ERC2: variants seen among roughly 807,000 people sequenced by gnomAD.
ERC2 encodes the protein ELKS/RAB6-interacting/CAST family member 2.
A neutral mutation model predicts 114.8 loss-of-function variants in ERC2; 42 were observed. That is an observed-to-expected ratio of 0.37 (90% confidence interval 0.29 to 0.47). The LOEUF (loss-of-function observed/expected upper bound fraction) is 0.47. ERC2 is among the 20% of genes least tolerant of loss of function. The pLI is 0.99. For missense variants in ERC2, 939 were observed against 1,150.7 expected, an observed-to-expected ratio of 0.82 and a Z score of 2.66; for synonymous variants, 454 against 425.5, an observed-to-expected ratio of 1.07 and a Z score of -0.82.
At chr3:56,122,855 C>A (rs966475325) in intron 6 of ERC2, among the ~76,000 whole-genome samples, 2 of 152,166 alleles carry the variant, frequency 1.3e-5, no homozygotes, top group Non-Finnish European at 1.5e-5. Context: ...ATGACTGTTG[C>A]TTGCTCCTGG....
At chr3:55,728,985 T>A (rs557107892) in intron 15 of ERC2, among the ~76,000 whole-genome samples, 30 of 152,256 alleles carry the variant, frequency 2.0e-4, no homozygotes, top group Non-Finnish European at 3.8e-4. Context: ...ACCTTGAGAC[T>A]CCATGGAGGC....
chr3:56,271,483 A>T (rs1007816462), intron 3 of ERC2, among the ~76,000 whole-genome samples: 1 of 152,022 alleles, frequency 6.6e-6, no homozygotes, highest in African/African-American at 2.4e-5. Flanking sequence ...TACAGCTATA[A>T]GATAGAGATA....
intron 15 of ERC2, among the ~76,000 whole-genome samples, chr3:55,709,731 C>A (rs2063674188): frequency 6.6e-6 from 1 of 152,202 alleles, no homozygotes; most frequent in South Asian, 2.1e-4. Flanking sequence ...AAATGACCCC[C>A]CAAAGGGGGA....
chr3:56,066,264 T>C (rs530897885), intron 7 of ERC2, among the ~76,000 whole-genome samples: 8 of 152,328 alleles, frequency 5.3e-5, no homozygotes, highest in Admixed American at 4.6e-4. Flanking sequence ...TGGTAGTTCA[T>C]TGTGGTTTTG....
intron 4 of ERC2, among the ~76,000 whole-genome samples, chr3:56,164,287 A>G (rs958009687): frequency 6.6e-6 from 1 of 151,894 alleles, no homozygotes; most frequent in African/African-American, 2.4e-5. Flanking sequence ...GGCAATCACT[A>G]ATCTACTTTC....
chr3:55,917,599 GAC>G (rs2065175681), intron 13 of ERC2, among the ~76,000 whole-genome samples: 2 of 152,038 alleles, frequency 1.3e-5, no homozygotes, highest in Non-Finnish European at 2.9e-5. Flanking sequence ...AATCCATAAA[GAC>G]AGAAAACAGA....
chr3:55,927,624 T>G (rs1238951038), intron 13 of ERC2, among the ~76,000 whole-genome samples: 1 of 152,188 alleles, frequency 6.6e-6, no homozygotes, highest in African/African-American at 2.4e-5. Context: ...CTTTTAGTTA[T>G]TTTAAAACAT....
intron 3 of ERC2, among the ~76,000 whole-genome samples, chr3:56,284,507 C>A (rs1226806556): frequency 7.9e-5 from 12 of 152,098 alleles, no homozygotes; most frequent in Non-Finnish European, 2.9e-5. Context: ...ATGATAAAAC[C>A]ACTACACTCC....
intron 14 of ERC2, among the ~76,000 whole-genome samples, chr3:55,776,503 T>C (rs1035374269): frequency 2.6e-5 from 4 of 152,110 alleles, no homozygotes; most frequent in South Asian, 2.1e-4. Context: ...AGGGATTCAC[T>C]AGGAACATTC....
chr3:55,801,411 T>G (rs1272937044), intron 14 of ERC2, among the ~76,000 whole-genome samples: 1 of 152,176 alleles, frequency 6.6e-6, no homozygotes, highest in Non-Finnish European at 1.5e-5. Flanking sequence ...ATGTGAAAAG[T>G]CAGGTGCATG....
chr3:55,707,883 C>T (rs543751501), intron 15 of ERC2, among the ~76,000 whole-genome samples: 3 of 152,280 alleles, frequency 2.0e-5, no homozygotes, highest in South Asian at 4.1e-4. Context: ...TCTTATTACT[C>T]CCACTTTACA....
chr3:55,575,111 T>C (rs556650700), intron 17 of ERC2, among the ~76,000 whole-genome samples: 10 of 152,272 alleles, frequency 6.6e-5, no homozygotes, highest in African/African-American at 2.2e-4. Context: ...CCCTCCTGGG[T>C]TCAAGTGATT....
intron 17 of ERC2, among the ~76,000 whole-genome samples, chr3:55,592,752 C>T (rs558370354): frequency 2.0e-5 from 3 of 152,256 alleles, no homozygotes; most frequent in Non-Finnish European, 2.9e-5. Flanking sequence ...TAGACACCTA[C>T]GTAGTTAAAT....
chr3:55,533,165 C>T (rs756067609), intron 17 of ERC2, among the ~76,000 whole-genome samples: 1 of 152,190 alleles, frequency 6.6e-6, no homozygotes, highest in African/African-American at 2.4e-5. Flanking sequence ...ATCCTGTGTC[C>T]GTCAGGGGAC....
intron 13 of ERC2, among the ~76,000 whole-genome samples, chr3:55,949,010 A>G (rs899343407): frequency 2.0e-5 from 3 of 152,192 alleles, no homozygotes; most frequent in Admixed American, 6.5e-5. Flanking sequence ...TGCAATTATT[A>G]TCCTTGTTTT....
At chr3:56,446,795 T>A (rs1252575630) in intron 1 of ERC2, among the ~76,000 whole-genome samples, 1 of 150,454 alleles carries the variant, frequency 6.6e-6, no homozygotes, top group Non-Finnish European at 1.5e-5. Context: ...CCGGCTAATT[T>A]TTGTATTTTG....
chr3:55,696,301 G>A (rs2062925637), intron 16 of ERC2, among the ~76,000 whole-genome samples: 1 of 152,128 alleles, frequency 6.6e-6, no homozygotes, highest in Admixed American at 6.5e-5. Context: ...AGTTCAAGAG[G>A]CAATATCAAC....
intron 17 of ERC2, among the ~76,000 whole-genome samples, chr3:55,619,159 G>A (rs899373845): frequency 6.6e-6 from 1 of 152,114 alleles, no homozygotes; most frequent in Non-Finnish European, 1.5e-5. Context: ...CTTAAGTACG[G>A]CACTTGCCAA....
intron 2 of ERC2, among the ~76,000 whole-genome samples, chr3:56,411,348 G>A (rs957626901): frequency 3.3e-5 from 5 of 151,594 alleles, no homozygotes; most frequent in South Asian, 2.1e-4. Context: ...CTCACCCAAC[G>A]TGAGCACAGC....
Sources: allele counts gnomAD v4.1 joint callset (sites outside exome capture counted in the v4.1 genomes callset), GRCh38; gene constraint gnomAD v4.1.1; transcripts MANE v1.5; gene names NCBI Gene and HGNC (gene_info 2026-07-23, HGNC 2026-07-21).